Variants in SPATA31A3 observed in about 807,000 individuals in gnomAD.
The protein encoded by SPATA31A3 is SPATA31 subfamily A member 3, also known as spermatogenesis-associated protein 31A3.
For missense variants in SPATA31A3, 132 were observed against 1,094.6 expected (o/e 0.12, Z 12.41); for synonymous variants, 47 against 419.3 (o/e 0.11, Z 10.85).
chr9:66,991,798 G>A (rs1823327567), intron 1 of SPATA31A3, among the ~76,000 whole-genome samples: 1 of 47,752 alleles, frequency 2.1e-5, no homozygotes, highest in Non-Finnish European at 3.8e-5. Flanking sequence ...GGTCCACCAC[G>A]GACACCTTCA....
In SPATA31A3 at chr9:66,989,920, AG is replaced by A. The variant is rs1823289818; in HGVS notation, c.577del (p.Leu193Ter). 1.9e-6 allele frequency: 3 copies of A among 1,597,344 alleles called. No homozygotes were observed. Among genetic ancestry groups the A allele is most frequent in the Non-Finnish European group, 2.6e-6 (3 of 1,174,514 alleles). On this transcript the variant is annotated frameshift_variant, in exon 4 of 4. Coordinates refer to ENST00000428649, the Ensembl canonical transcript of SPATA31A3. LOFTEE classifies it low-confidence loss of function (END_TRUNC). The stretch of plus-strand genomic sequence containing the variant: ...AGGTGGCTCGGGTGAGGGGTGTTCT[AG>A]GGGAAGGGAAGGTTCTGGTGGCTGG...
chr9:66,987,199 T>C, exon 4 of SPATA31A3: 1 of 1,181,976 alleles, frequency 8.5e-7, no homozygotes, highest in Non-Finnish European at 1.2e-6. Context: ...CATTGGCCTT[T>C]GGCTCTTGCA....
At chr9:66,987,256 C>A in exon 4 of SPATA31A3, 1 of 1,242,936 alleles carries the variant, frequency 8.0e-7, no homozygotes, top group Non-Finnish European at 1.1e-6. Flanking sequence ...CACCAGTTTG[C>A]TCCTTCTGGC....
At chr9:66,988,558 A>T in exon 4 of SPATA31A3, 1 of 1,242,170 alleles carries the variant, frequency 8.1e-7, no homozygotes, top group Non-Finnish European at 1.1e-6. Flanking sequence ...ACCTGTGGAC[A>T]TGGAGGACTG....
At chr9:66,987,110 T>C (rs531596223) in exon 4 of SPATA31A3, 2 of 1,279,170 alleles carry the variant, frequency 1.6e-6, no homozygotes, top group South Asian at 2.4e-5. Context: ...AGTTGAGGAG[T>C]CCTCAATCCT....
chr9:66,989,517 G>C, exon 4 of SPATA31A3: 4 of 527,696 alleles, frequency 7.6e-6, no homozygotes, highest in Non-Finnish European at 1.3e-5. Context: ...GTATCCCCAC[G>C]ACATTCTGGC....
At chr9:66,988,558 A>G (rs1587397210) in exon 4 of SPATA31A3, 5 of 1,242,170 alleles carry the variant, frequency 4.0e-6, no homozygotes, top group Admixed American at 4.3e-5. Flanking sequence ...ACCTGTGGAC[A>G]TGGAGGACTG....
chr9:66,987,191 T>G, exon 4 of SPATA31A3: 1 of 1,181,898 alleles, frequency 8.5e-7, no homozygotes, highest in Middle Eastern at 2.8e-4. Flanking sequence ...GGGGGAAACA[T>G]TGGCCTTTGG....
exon 4 of SPATA31A3, chr9:66,987,710 T>C (rs1411795685): frequency 1.9e-6 from 3 of 1,597,462 alleles, no homozygotes; most frequent in Non-Finnish European, 2.5e-6. Context: ...CCTGTGAGGC[T>C]GTACGTGAGG....
At chr9:66,988,416 C>A (rs1341248411) in exon 4 of SPATA31A3, 1 of 1,559,162 alleles carries the variant, frequency 6.4e-7, no homozygotes, top group Non-Finnish European at 8.6e-7. Flanking sequence ...AAGTCACCCC[C>A]AGAACCTTCC....
At chr9:66,990,270 TC>T (rs1823299790) in intron 3 of SPATA31A3, 81 bp from the exon 4 acceptor site, 1 of 1,326,702 alleles carries the variant, frequency 7.5e-7, no homozygotes, top group African/African-American at 1.5e-5. Context: ...CCACAGCCCC[TC>T]CACCACCCCA....
chr9:66,987,502 T>G (rs1564194339), exon 4 of SPATA31A3: 1 of 1,060,168 alleles, frequency 9.4e-7, no homozygotes, highest in East Asian at 2.5e-5. Context: ...CTTTCTTGGA[T>G]CTTGGGAGAC....
chr9:66,987,270 C>T, exon 4 of SPATA31A3: 1 of 1,257,718 alleles, frequency 8.0e-7, no homozygotes. Context: ...TTCTGGCTGC[C>T]ATGAGGTCAT....
rs1823259830 is a variant in SPATA31A3 at position 66,987,846 on chromosome 9, ACT to A, written c.2650_2651del (p.Leu885SerfsTer22). 1 of 529,970 alleles carries A rather than the reference ACT, an allele frequency of 1.9e-6. No homozygotes were observed. The highest frequency in any genetic ancestry group is 3.7e-5 in the African/African-American group (1 of 26,932). The allele number at this position is 529,970 out of a possible 1,614,324, so 32.8% of individuals were successfully genotyped here. The stretch of plus-strand genomic sequence containing the variant: ...TCCATGCAGGTGAGGAGGCCAGAAG[ACT>A]CTCTGGCATGTGATCAGATGCTTTG... On this transcript the variant is annotated frameshift_variant, in exon 4 of 4. Transcript: ENST00000428649. LOFTEE classifies it low-confidence loss of function (END_TRUNC).
rs770744405 is a variant in SPATA31A3, at chr9:66,988,664, C to T, written c.1834G>A (p.Gly612Ser). 8.6e-6 allele frequency: 10 copies of T among 1,162,158 alleles called. 2 individuals are homozygous for T. The South Asian group carries it at 1.2e-4, about 14-fold the overall frequency. 72.0% of individuals were successfully genotyped at this position (1,162,158 alleles called of 1,614,324 possible). The stretch of plus-strand genomic sequence containing the variant: ...GACTCTTGGATCCTTCCCAGGTTGC[C>T]CCAGTGTTGGATGATCCACTTTTTT... Residue 612 changes from glycine (G) to serine (S), a missense_variant, in exon 4 of 4, where the codon GGC becomes AGC. Transcript: ENST00000428649.
chr9:66,986,982 C>A lies in SPATA31A3; in HGVS notation c.3516G>T (p.Gln1172His), dbSNP rs1379044022. 12 of 1,601,554 alleles carry A rather than the reference C, an allele frequency of 7.5e-6. No individual in the cohort carries two copies. In the East Asian group the frequency reaches 2.7e-4, roughly 36 times the overall value. The change falls in exon 4 of 4, where the codon CAG becomes CAT. Residue 1172 changes from glutamine (Q) to histidine (H), a missense_variant. By Grantham distance (24) the Gln-to-His change is conservative (BLOSUM62 0). Coordinates refer to ENST00000428649, the Ensembl canonical transcript of SPATA31A3. The stretch of plus-strand genomic sequence containing the variant: ...TGCTTTTTTTCTTTGAAAAAATCCA[C>A]TGAAAAATTTGCTTGATGTTTTCTC...
rs1465158810 is a variant in SPATA31A3, at chr9:66,987,229, T to C, written c.3269A>G (p.Lys1090Arg). The C allele has an allele frequency of 3.4e-6, 4 of 1,180,838 alleles. 2 individuals are homozygous for C. Among genetic ancestry groups the C allele is most frequent in the Non-Finnish European group, 4.8e-6 (4 of 830,490 alleles). 73.1% of individuals were successfully genotyped at this position (1,180,838 alleles called of 1,614,324 possible). The stretch of plus-strand genomic sequence containing the variant: ...CTTGCATGAGCCTTGACAGTTTGGT[T>C]TTCTGGGCTCCTCGTGCACCAGTTT... Residue 1090 changes from lysine (K) to arginine (R), a missense_variant, in exon 4 of 4, where the codon AAA becomes AGA. By Grantham distance (26) the Lys-to-Arg change is conservative. Coordinates refer to ENST00000428649, the Ensembl canonical transcript of SPATA31A3.
chr9:66,988,904 C>A, exon 4 of SPATA31A3: 1 of 421,604 alleles, frequency 2.4e-6, no homozygotes, highest in Non-Finnish European at 4.0e-6. Context: ...AGAGCTTGCA[C>A]TTTATTCTGC....
At position 66,991,734 on chromosome 9, in the gene SPATA31A3, T is replaced by TACAC. The variant is rs55996942; in HGVS notation, c.189+595_189+598dup. Among the ~76,000 whole-genome samples the TACAC allele has an allele frequency of 3.4e-3, 187 of 54,822 alleles. 1 individual carries two copies. Among genetic ancestry groups the TACAC allele is most frequent in the African/African-American group, 6.8e-3 (92 of 13,576 alleles). The allele number at this position is 54,822 out of a possible 152,430, so 36.0% of individuals were successfully genotyped here. ...ATAACACACACAAATAAAATAAAAATACACACACACACACACACACACACA... is the reference window on the plus strand; with the variant it reads ...ATAACACACACAAATAAAATAAAAATACACACACACACACACACACACACACACA... On this transcript the variant is annotated intron_variant, in intron 1 of 3. Transcript: ENST00000428649.
Sources: allele counts gnomAD v4.1 joint callset (sites outside exome capture counted in the v4.1 genomes callset), GRCh38; gene constraint gnomAD v4.1.1; transcripts MANE v1.5; gene names NCBI Gene and HGNC (gene_info 2026-07-23, HGNC 2026-07-21).